The following BCAS3 variants were observed in gnomAD, a reference collection of about 807,000 sequenced individuals.
BCAS3 encodes BCAS4/BCAS3 fusion.
BCAS3 carries 53 observed loss-of-function variants against 116.1 expected under a neutral mutation model. That is an observed-to-expected ratio of 0.46 (90% CI 0.37 to 0.57). The LOEUF (loss-of-function observed/expected upper bound fraction) is 0.57, where lower values mean the gene tolerates loss of function less well. Among genes scored for constraint, BCAS3 ranks in the 20% least tolerant of loss-of-function variants. The probability of loss-of-function intolerance (pLI) is 0.00; values close to 1 mark genes in which losing one functional copy is unlikely to be tolerated. For synonymous variants in BCAS3, 391 were observed against 408.2 expected (o/e 0.96, Z 0.51); for missense variants, 917 against 1,165.4 (o/e 0.79, Z 3.10).
chr17:60,697,740 T>C (rs1243384866), intron 4 of BCAS3, among the ~76,000 whole-genome samples: 3 of 152,016 alleles, frequency 2.0e-5, no homozygotes, highest in African/African-American at 7.3e-5. Flanking sequence ...ACAGATAAGT[T>C]AAGACTGGAC....
intron 22 of BCAS3, among the ~76,000 whole-genome samples, chr17:61,149,809 ATCAGCCTGCATTTTTCCTC>A (rs2077445393): frequency 6.6e-6 from 1 of 152,222 alleles, no homozygotes; most frequent in Non-Finnish European, 1.5e-5. Flanking sequence ...CATTACTTTT[ATCAGCCTGCATTTTTCCTC>A]TCTGGATGAA....
At position 61,346,803 on chromosome 17, in the gene BCAS3, G is replaced by T. The variant is rs772676505; in HGVS notation, c.2426-21524G>T. ...AGTCTCATCTACGCTGTGTTAGAGG[G>T]TTAGCATGTGCTGTGGGGATGTGGT... On this transcript the variant is annotated intron_variant, in intron 22 of 23. Transcript: ENST00000407086. The surrounding 1 kb of genome is among the most constrained non-coding windows in gnomAD (Gnocchi z 5.4). Among the ~76,000 whole-genome samples, 2 of 152,210 alleles carry T rather than the reference G, an allele frequency of 1.3e-5. No individual in the cohort carries two copies. Among genetic ancestry groups the T allele is most frequent in the Non-Finnish European group, 2.9e-5 (2 of 68,050 alleles).
At chr17:61,225,883 A>G (rs1195502686) in intron 22 of BCAS3, among the ~76,000 whole-genome samples, 2 of 152,222 alleles carry the variant, frequency 1.3e-5, no homozygotes, top group African/African-American at 4.8e-5. Context: ...CAACCAAGGT[A>G]GGGAAGGCTT....
chr17:60,984,540 A>G (rs910930524), intron 14 of BCAS3, among the ~76,000 whole-genome samples: 1 of 152,054 alleles, frequency 6.6e-6, no homozygotes, highest in African/African-American at 2.4e-5. Context: ...AGTACTTGAA[A>G]TATTTTGATA....
intron 7 of BCAS3, among the ~76,000 whole-genome samples, chr17:60,842,502 T>G (rs186298626): frequency 1.3e-5 from 2 of 151,500 alleles, no homozygotes; most frequent in East Asian, 2.0e-4. Flanking sequence ...AGAACAATTT[T>G]TTTTTTCAAT....
chr17:61,283,095 C>T (rs2051381313), intron 22 of BCAS3, among the ~76,000 whole-genome samples: 2 of 151,922 alleles, frequency 1.3e-5, no homozygotes, highest in Non-Finnish European at 2.9e-5. Flanking sequence ...TTTTGCTCCA[C>T]GTTGCTCCTT....
chr17:61,320,464 G>A (rs1016966241), intron 22 of BCAS3, among the ~76,000 whole-genome samples: 1 of 151,940 alleles, frequency 6.6e-6, no homozygotes, highest in Non-Finnish European at 1.5e-5. Flanking sequence ...GACAGATTAC[G>A]AGGTCAGGAG....
intron 22 of BCAS3, among the ~76,000 whole-genome samples, chr17:61,165,430 G>T (rs2078430839): frequency 6.6e-6 from 1 of 152,178 alleles, no homozygotes; most frequent in Non-Finnish European, 1.5e-5. Flanking sequence ...GGGCGCAGTG[G>T]CTCACGCCTA....
Position 60,956,685 on chromosome 17 carries a change from G to A in BCAS3, c.1221+9333G>A, listed in dbSNP as rs2061150489. 6.6e-6 allele frequency among the ~76,000 whole-genome samples: 1 copy of A among 152,112 alleles called. No homozygotes were observed. Among genetic ancestry groups the A allele is most frequent in the South Asian group, 2.1e-4 (1 of 4,826 alleles). ...CAGTGATGTTCCTACTTAACAGGTA[G>A]GAAAGTCAAATAGAAATTATTTAAA... is the stretch of plus-strand genomic sequence containing the variant. On this transcript the variant is annotated intron_variant, in intron 14 of 23. Transcript: ENST00000407086. This position sits in a 1 kb window ranked among gnomAD's most constrained non-coding sequence, Gnocchi z 4.2.
rs1336488023 is a variant in BCAS3, at chr17:61,005,806, T to G, written c.1487-9945T>G. ...TCTTTTTTTTCTTTTTTTTTTCTTTTATTATTATACTTTAAGTTTTAGGGT... is the reference window on the plus strand; with the variant it reads ...TCTTTTTTTTCTTTTTTTTTTCTTTGATTATTATACTTTAAGTTTTAGGGT... On this transcript the variant is annotated intron_variant, in intron 15 of 23. Coordinates refer to ENST00000407086, the MANE Select transcript of BCAS3 (RefSeq NM_017679.5). Among the ~76,000 whole-genome samples, 3 of 151,844 alleles carry G rather than the reference T, an allele frequency of 2.0e-5. No individual in the cohort carries two copies. The South Asian group carries it at 6.2e-4, about 31-fold the overall frequency.
intron 22 of BCAS3, among the ~76,000 whole-genome samples, chr17:61,293,388 A>G (rs1164388504): frequency 6.6e-6 from 1 of 152,132 alleles, no homozygotes; most frequent in Non-Finnish European, 1.5e-5. Context: ...CCCTCACCCC[A>G]GTTTGAAAAT....
rs139961894 is a variant in BCAS3, at chr17:61,034,748, A to C, written c.1720A>C (p.Arg574=). 6.9e-3 allele frequency: 11,112 copies of C among 1,612,952 alleles called. 45 individuals carry two copies. The highest frequency in any genetic ancestry group is 8.2e-3 in the Non-Finnish European group (9,638 of 1,179,354). The change falls in exon 17 of 24, where the codon AGG becomes CGG. Residue 574 remains arginine (R), a synonymous_variant. Coordinates refer to ENST00000407086, the MANE Select transcript of BCAS3 (RefSeq NM_017679.5). This position sits in a 1 kb window ranked among gnomAD's most constrained non-coding sequence, Gnocchi z 5.0. ...FCVAAIFGTS[R]SWFANNAGLK... is the part of the protein sequence containing the mutation. ...TGTGGCTGCTATCTTCGGAACATCC[A>C]GGTCATGGTTTGCAAATAATGCAGG...
intron 20 of BCAS3, among the ~76,000 whole-genome samples, chr17:61,075,697 G>A (rs1241434088): frequency 6.6e-6 from 1 of 152,164 alleles, no homozygotes; most frequent in Admixed American, 6.5e-5. Flanking sequence ...AAACAGTGAA[G>A]CCACTCAGCA....
intron 6 of BCAS3, among the ~76,000 whole-genome samples, chr17:60,762,073 A>G (rs959127753): frequency 1.3e-5 from 2 of 151,750 alleles, no homozygotes; most frequent in African/African-American, 4.9e-5. Flanking sequence ...TTTCTTGTAA[A>G]CTTGTTTAAG....
intron 15 of BCAS3, 109 bp from the exon 16 acceptor site, chr17:61,015,642 A>T (rs961593558): frequency 9.2e-7 from 1 of 1,088,180 alleles, no homozygotes. Context: ...TCTACCTTTG[A>T]TGCCTTTCTT....
chr17:60,995,796 T>G lies in BCAS3; in HGVS notation c.1486+5561T>G, dbSNP rs1050017753. Among the ~76,000 whole-genome samples, 5 of 152,094 alleles carry G rather than the reference T, an allele frequency of 3.3e-5. No individual in the cohort carries two copies. Among genetic ancestry groups the G allele is most frequent in the African/African-American group, 1.2e-4 (5 of 41,408 alleles). ...ATTGTGTCCAGGCACTGTTCTGAGT[T>G]TAGGAATTTAGCAGTGAACAAAAGA... On this transcript the variant is annotated intron_variant, in intron 15 of 23. Transcript: ENST00000407086. The surrounding 1 kb of genome is among the most constrained non-coding windows in gnomAD (Gnocchi z 4.7).
intron 22 of BCAS3, among the ~76,000 whole-genome samples, chr17:61,273,110 A>ATT (rs1254394823): frequency 2.1e-5 from 3 of 141,670 alleles, no homozygotes. Context: ...CCTTTATTTT[A>ATT]TTTTTTTTTT....
chr17:60,718,314 G>A (rs2038869829), intron 5 of BCAS3, among the ~76,000 whole-genome samples: 1 of 151,614 alleles, frequency 6.6e-6, no homozygotes, highest in African/African-American at 2.4e-5. Context: ...TCATACAGCT[G>A]CCTACTGTAC....
chr17:60,796,504 C>T (rs1568270804), intron 6 of BCAS3, among the ~76,000 whole-genome samples: 1 of 152,058 alleles, frequency 6.6e-6, no homozygotes, highest in Non-Finnish European at 1.5e-5. Context: ...TTCTAGTTTA[C>T]GTGCATAAAG....
Sources: allele counts gnomAD v4.1 joint callset (sites outside exome capture counted in the v4.1 genomes callset), GRCh38; gene constraint gnomAD v4.1.1; non-coding constraint Gnocchi (gnomAD v3.1); transcripts MANE v1.5; gene names NCBI Gene and HGNC (gene_info 2026-07-23, HGNC 2026-07-21).